Variants in FAM13B observed in about 807,000 individuals in gnomAD.
FAM13B encodes the protein family with sequence similarity 13 member B, also known as protein FAM13B.
Under a neutral mutation model 117.3 loss-of-function variants are expected in FAM13B, and 60 were observed. The ratio of observed to expected loss-of-function variants is 0.51; its 90% CI spans 0.42 to 0.63. The LOEUF (loss-of-function observed/expected upper bound fraction) is 0.63. Among genes scored for constraint, FAM13B ranks in the 30% least tolerant of loss-of-function variants. The pLI is 0.00. For missense variants in FAM13B, 972 were observed against 1,091.9 expected (o/e 0.89, Z 1.55); for synonymous variants, 332 against 356.1 (o/e 0.93, Z 0.76).
intron 10 of FAM13B, among the ~76,000 whole-genome samples, chr5:137,984,919 C>T (rs1298922829): frequency 6.6e-6 from 1 of 152,150 alleles, no homozygotes; most frequent in East Asian, 1.9e-4. Flanking sequence ...CAGGCGCCCA[C>T]CACCACGCCC....
At chr5:138,035,301 GTGCCCGGCCTCCCT>G (rs1191891625), upstream of FAM13B, among the ~76,000 whole-genome samples, 2 of 151,680 alleles carry the variant, frequency 1.3e-5, no homozygotes, top group Non-Finnish European at 1.5e-5. Flanking sequence ...GTGAGCCACC[GTGCCCGGCCTCCCT>G]TGCGTTTTTA....
At chr5:138,021,747 T>G (rs1371656199) in intron 1 of FAM13B, among the ~76,000 whole-genome samples, 1 of 152,200 alleles carries the variant, frequency 6.6e-6, no homozygotes, top group Non-Finnish European at 1.5e-5. Context: ...AATTAATAAC[T>G]CCGTCATTTT....
chr5:138,010,906 G>A, intron 6 of FAM13B, 102 bp downstream of exon 6: 1 of 1,180,398 alleles, frequency 8.5e-7, no homozygotes, highest in Non-Finnish European at 1.1e-6. Flanking sequence ...TTCCAGGTCA[G>A]ATTTAAATTC....
chr5:138,045,725 A>G (rs988836141), intron 1 of FAM13B, among the ~76,000 whole-genome samples: 4 of 152,084 alleles, frequency 2.6e-5, no homozygotes, highest in Non-Finnish European at 4.4e-5. Flanking sequence ...GTGGCCAGAC[A>G]CAGTGGCTCA....
chr5:138,029,519 A>C (rs551628932), intron 1 of FAM13B, among the ~76,000 whole-genome samples: 1 of 152,338 alleles, frequency 6.6e-6, no homozygotes, highest in Non-Finnish European at 1.5e-5. Flanking sequence ...GTGATTCTAC[A>C]ACCAATCATA....
At chr5:138,020,889 A>G (rs535949522) in intron 2 of FAM13B, 142 bp downstream of exon 2, 1 of 460,468 alleles carries the variant, frequency 2.2e-6, no homozygotes, top group South Asian at 1.2e-4. Flanking sequence ...GTCTCAGACA[A>G]GCAACATCCA....
In FAM13B at chr5:137,954,387, A is replaced by C; in HGVS notation, c.1508-11T>G. 4.4e-6 allele frequency: 7 copies of C among 1,608,192 alleles called. No individual in the cohort carries two copies. Among genetic ancestry groups the C allele is most frequent in the Non-Finnish European group, 6.0e-6 (7 of 1,176,440 alleles). On this transcript the variant is annotated splice_polypyrimidine_tract_variant and intron_variant, in intron 14 of 23. Coordinates refer to ENST00000689681, the MANE Select transcript of FAM13B (RefSeq NM_001385994.1). ...AAGCAGGAAATGGCTCTATAAAACA[A>C]ACACAAAGAATAGTACCATGGGTCT...
upstream of FAM13B, chr5:138,034,223 C>T (rs1790838875): frequency 6.6e-6 from 1 of 152,366 alleles, no homozygotes; most frequent in South Asian, 2.1e-4. Context: ...ATTCTAATGA[C>T]CAGAACCAAC....
At chr5:137,995,299 G>A (rs1779590333) in intron 7 of FAM13B, among the ~76,000 whole-genome samples, 1 of 152,192 alleles carries the variant, frequency 6.6e-6, no homozygotes, top group African/African-American at 2.4e-5. Context: ...GGTGGACAAA[G>A]AGGAACAAAC....
At chr5:138,014,582 T>G (rs1784827564) in intron 4 of FAM13B, among the ~76,000 whole-genome samples, 1 of 152,248 alleles carries the variant, frequency 6.6e-6, no homozygotes, top group Non-Finnish European at 1.5e-5. Context: ...GGTTGGGGAT[T>G]GCTGATCTAG....
Position 138,021,107 on chromosome 5 carries a change from C to A in FAM13B, c.-112G>T. The A allele has an allele frequency of 8.1e-7, 1 of 1,231,672 alleles. No individual in the cohort carries two copies. Among genetic ancestry groups the A allele is most frequent in the South Asian group, 4.1e-5 (1 of 24,306 alleles). The allele number at this position is 1,231,672 out of a possible 1,614,324, so 76.3% of individuals were successfully genotyped here. ...CCTCACTGAGCAAGCATTCTTTTGT[C>A]ATTTATGGCTGTTTGAGATTATGGC... On this transcript the variant is annotated 5_prime_UTR_variant, in exon 2 of 24. The change abolishes an upstream ATG in the 5' untranslated region. Transcript: ENST00000689681.
intron 1 of FAM13B, among the ~76,000 whole-genome samples, chr5:138,048,835 A>C (rs180997147): frequency 6.6e-6 from 1 of 152,190 alleles, no homozygotes; most frequent in Non-Finnish European, 1.5e-5. Context: ...GAAATATAGC[A>C]TCATTGTACC....
At chr5:138,039,696 A>G (rs1791420096) in intron 1 of FAM13B, 1 of 150,194 alleles carries the variant, frequency 6.7e-6, no homozygotes, top group Non-Finnish European at 1.5e-5. Context: ...TCGGCCTCCC[A>G]AAGTGCTGGG....
In FAM13B at chr5:138,033,067, G is replaced by A. The variant is rs1790610043; in HGVS notation, c.-488C>T. On this transcript the variant is annotated 5_prime_UTR_variant, in exon 1 of 24. Coordinates refer to ENST00000689681, the MANE Select transcript of FAM13B (RefSeq NM_001385994.1). ...GCAGAGCCTCCCTAACGGCGAGCGG[G>A]AGGAGAGCGGCTGGCGGGCGGAGGC... is the stretch of plus-strand genomic sequence containing the variant. 1 of 986,328 alleles carries A rather than the reference G, an allele frequency of 1.0e-6. No homozygotes were observed. The highest frequency in any genetic ancestry group is 4.7e-5 in the South Asian group (1 of 21,362). 61.1% of individuals were successfully genotyped at this position (986,328 alleles called of 1,614,324 possible).
chr5:137,971,549 G>T (rs1030478193), intron 10 of FAM13B, among the ~76,000 whole-genome samples: 4 of 149,892 alleles, frequency 2.7e-5, no homozygotes, highest in African/African-American at 9.8e-5. Flanking sequence ...ACAATTAAAA[G>T]AACTAGAAAA....
Position 137,942,729 on chromosome 5 carries a change from T to C in FAM13B, c.2588+146A>G, listed in dbSNP as rs76422610. On this transcript the variant is annotated intron_variant, in intron 22 of 23. Transcript: ENST00000689681. The stretch of plus-strand genomic sequence containing the variant: ...AAAAATGGGAATGACAATAAATATT[T>C]GCAAATCACACTTGAAAAGCATGTG... 3 of 630,348 alleles carry C rather than the reference T, an allele frequency of 4.8e-6. No homozygotes were observed. The East Asian group carries it at 9.3e-5, about 20-fold the overall frequency. 39.0% of individuals were successfully genotyped at this position (630,348 alleles called of 1,614,324 possible).
At position 137,953,574 on chromosome 5, in the gene FAM13B, A is replaced by G. The variant is rs147143836; in HGVS notation, c.1719-109T>C. 3.2e-4 allele frequency: 368 copies of G among 1,148,892 alleles called. 2 individuals carry two copies. In the East Asian group the frequency reaches 8.0e-3, roughly 25 times the overall value. 71.2% of individuals were successfully genotyped at this position (1,148,892 alleles called of 1,614,324 possible). ...CAATAAGTAAATCTTAAAGGTAAAA[A>G]TAAGTCCCTAACACTAAAGGACAGG... On this transcript the variant is annotated intron_variant, in intron 15 of 23. Transcript: ENST00000689681.
chr5:138,017,095 T>C (rs1049075808), intron 4 of FAM13B, among the ~76,000 whole-genome samples: 4 of 152,170 alleles, frequency 2.6e-5, no homozygotes, highest in Admixed American at 6.5e-5. Context: ...ACTAATAACA[T>C]TTCGTTTTAA....
At position 137,946,932 on chromosome 5, in the gene FAM13B, T is replaced by C. The variant is rs142911681; in HGVS notation, c.2161-621A>G. Among the ~76,000 whole-genome samples the C allele has an allele frequency of 1.8e-4, 28 of 152,304 alleles. No individual in the cohort carries two copies. In the East Asian group the frequency reaches 5.2e-3, roughly 28 times the overall value. On this transcript the variant is annotated intron_variant, in intron 18 of 23. Coordinates refer to ENST00000689681, the MANE Select transcript of FAM13B (RefSeq NM_001385994.1). ...TGTGACCTCATACTTCTCTATTACCTCCATTTCCCTTCATCTGAGTTGGCA... is the reference window on the plus strand; with the variant it reads ...TGTGACCTCATACTTCTCTATTACCCCCATTTCCCTTCATCTGAGTTGGCA...
Sources: allele counts gnomAD v4.1 joint callset (sites outside exome capture counted in the v4.1 genomes callset), GRCh38; gene constraint gnomAD v4.1.1; transcripts MANE v1.5; gene names NCBI Gene and HGNC (gene_info 2026-07-23, HGNC 2026-07-21).